The following WDR72 variants were observed in gnomAD, a reference collection of about 807,000 sequenced individuals.
WDR72 encodes the protein WD repeat-containing protein 72.
WDR72 carries 120 observed loss-of-function variants against 124.2 expected under a neutral mutation model. The observed-to-expected ratio is 0.97, with a 90% CI of 0.83 to 1.12. The LOEUF is 1.12. Among genes scored for constraint, WDR72 ranks in the 50% most tolerant of loss-of-function variants. The pLI is 0.00. For missense variants in WDR72, 1,387 were observed against 1,278.8 expected, an observed-to-expected ratio of 1.08 and a Z score of -1.29; for synonymous variants, 452 against 441.7, an observed-to-expected ratio of 1.02 and a Z score of -0.29.
At chr15:53,720,467 T>C (rs2017846553) in intron 3 of WDR72, among the ~76,000 whole-genome samples, 1 of 152,240 alleles carries the variant, frequency 6.6e-6, no homozygotes. Flanking sequence ...TTGTTCTTCT[T>C]ACTAAAGAAT....
intron 14 of WDR72, among the ~76,000 whole-genome samples, chr15:53,621,678 AG>A (rs914626527): frequency 6.6e-6 from 1 of 151,982 alleles, no homozygotes; most frequent in Admixed American, 6.6e-5. Context: ...AAAGACTACA[AG>A]TGTGTGCAGC....
Position 53,617,478 on chromosome 15 carries a change from G to A in WDR72, c.1963-1235C>T, listed in dbSNP as rs2013815137. On this transcript the variant is annotated intron_variant, in intron 14 of 19. Coordinates refer to ENST00000360509, the MANE Select transcript of WDR72 (RefSeq NM_182758.4). Reference sequence around the variant, plus strand: ...ATATTTAATTTTCAATAATAAAAAAGGAAAGTTTAAAAAGAAAACCATTAC... The same window carrying A: ...ATATTTAATTTTCAATAATAAAAAAAGAAAGTTTAAAAAGAAAACCATTAC... Among the ~76,000 whole-genome samples the A allele has an allele frequency of 2.0e-5, 3 of 151,194 alleles. No individual in the cohort carries two copies. In the South Asian group the frequency reaches 6.2e-4, roughly 31 times the overall value.
At chr15:53,578,693 C>T (rs1486689767) in intron 18 of WDR72, among the ~76,000 whole-genome samples, 1 of 151,856 alleles carries the variant, frequency 6.6e-6, no homozygotes, top group Non-Finnish European at 1.5e-5. Flanking sequence ...TGCACTTTAT[C>T]CTAAGAGAAA....
At chr15:53,706,423 G>C (rs2017381240) in intron 9 of WDR72, among the ~76,000 whole-genome samples, 1 of 132,882 alleles carries the variant, frequency 7.5e-6, no homozygotes, top group African/African-American at 2.8e-5. Flanking sequence ...ACTGCAAGGG[G>C]CTTTCTACAT....
chr15:53,529,413 A>C (rs1233016255), intron 18 of WDR72, among the ~76,000 whole-genome samples: 1 of 151,826 alleles, frequency 6.6e-6, no homozygotes, highest in African/African-American at 2.4e-5. Flanking sequence ...GATACCTTCC[A>C]GCTTTGAGAC....
chr15:53,690,939 A>G (rs1024245666), intron 13 of WDR72, among the ~76,000 whole-genome samples: 2 of 152,016 alleles, frequency 1.3e-5, no homozygotes, highest in African/African-American at 4.8e-5. Context: ...AAGGGTTCCT[A>G]TTTTCTCCAT....
chr15:53,690,992 A>G (rs911755219), intron 13 of WDR72, among the ~76,000 whole-genome samples: 1 of 152,186 alleles, frequency 6.6e-6, no homozygotes, highest in Non-Finnish European at 1.5e-5. Flanking sequence ...AATTATAAGT[A>G]TCCTAGTGAA....
chr15:53,723,689 T>G (rs919970815), intron 2 of WDR72, among the ~76,000 whole-genome samples: 2 of 152,238 alleles, frequency 1.3e-5, no homozygotes, highest in Non-Finnish European at 2.9e-5. Flanking sequence ...TGCTCAAGTC[T>G]GCAATATAAA....
intron 13 of WDR72, among the ~76,000 whole-genome samples, chr15:53,673,675 G>C (rs970843850): frequency 6.6e-6 from 1 of 152,078 alleles, no homozygotes; most frequent in Admixed American, 6.5e-5. Flanking sequence ...TGTGGAAAAA[G>C]CATATATATT....
At chr15:53,599,084 C>T (rs566846893) in intron 17 of WDR72, among the ~76,000 whole-genome samples, 4 of 151,886 alleles carry the variant, frequency 2.6e-5, no homozygotes, top group African/African-American at 9.7e-5. Context: ...AGATTGCACC[C>T]CTGCACTCCG....
intron 1 of WDR72, among the ~76,000 whole-genome samples, chr15:53,750,478 T>C (rs1296792909): frequency 6.6e-6 from 1 of 152,228 alleles, no homozygotes; most frequent in Non-Finnish European, 1.5e-5. Context: ...AAGAGATTAA[T>C]GCTGTTTTCA....
chr15:53,614,042 A>G (rs995115268), intron 15 of WDR72, among the ~76,000 whole-genome samples: 1 of 152,088 alleles, frequency 6.6e-6, no homozygotes, highest in Non-Finnish European at 1.5e-5. Context: ...CTATGTTTAC[A>G]AGACAGGCTT....
At chr15:53,622,579 A>G (rs1330178759) in intron 14 of WDR72, among the ~76,000 whole-genome samples, 1 of 152,098 alleles carries the variant, frequency 6.6e-6, no homozygotes, top group East Asian at 1.9e-4. Context: ...AACAACGAGA[A>G]CACATGGACA....
Position 53,615,853 on chromosome 15 carries a change from T to C in WDR72, c.2353A>G (p.Lys785Glu). The C allele has an allele frequency of 6.2e-7, 1 of 1,613,648 alleles. No individual in the cohort carries two copies. The highest frequency in any genetic ancestry group is 8.5e-7 in the Non-Finnish European group (1 of 1,179,676). The change falls in exon 15 of 20, where the codon AAA becomes GAA. Residue 785 changes from lysine to glutamate, a missense_variant. Lys to Glu is a moderately conservative substitution (Grantham distance 56). Coordinates refer to ENST00000360509, the MANE Select transcript of WDR72 (RefSeq NM_182758.4). ...SKKMQPKPSRKVDASLTIDTA... is the reference protein window; with the variant it reads ...SKKMQPKPSREVDASLTIDTA... ...TCTATTGTGAGACTGGCATCTACTT[T>C]TCTTGATGGCTTAGGCTGCATTTTT...
At chr15:53,757,431 T>C (rs903412827) in intron 1 of WDR72, among the ~76,000 whole-genome samples, 1 of 152,108 alleles carries the variant, frequency 6.6e-6, no homozygotes, top group Non-Finnish European at 1.5e-5. Flanking sequence ...GAGACCAGCC[T>C]GGTCAACATA....
chr15:53,726,863 A>G (rs1041630007), intron 2 of WDR72, among the ~76,000 whole-genome samples: 2 of 151,786 alleles, frequency 1.3e-5, no homozygotes, highest in African/African-American at 4.9e-5. Context: ...CAAACACCCA[A>G]TTTTAAAAAT....
chr15:53,623,496 C>T (rs867130672), intron 14 of WDR72, among the ~76,000 whole-genome samples: 2,054 of 144,720 alleles, frequency 0.014, 46 homozygotes, highest in African/African-American at 0.054. Flanking sequence ...TATATATATA[C>T]ACACATACAC....
chr15:53,538,620 C>G (rs892398534), intron 18 of WDR72, among the ~76,000 whole-genome samples: 2 of 152,002 alleles, frequency 1.3e-5, no homozygotes, highest in South Asian at 4.2e-4. Flanking sequence ...TTGGGTGATG[C>G]GGAATGCATT....
chr15:53,736,050 T>C (rs915713816), intron 1 of WDR72, among the ~76,000 whole-genome samples: 1 of 149,966 alleles, frequency 6.7e-6, no homozygotes, highest in Non-Finnish European at 1.5e-5. Context: ...AAGAAGTCAT[T>C]AAAAAAAAAT....
Sources: gnomAD v4.1 joint callset for allele counts (sites outside exome capture counted in the v4.1 genomes callset) on GRCh38, gnomAD v4.1.1 for gene constraint, MANE v1.5 for transcripts, NCBI Gene and HGNC (gene_info 2026-07-23, HGNC 2026-07-21) for gene names.